The following CNTNAP2 variants were observed in gnomAD, a reference collection of about 807,000 sequenced individuals.
The protein encoded by CNTNAP2 is contactin associated protein 2, also known as contactin-associated protein-like 2.
In CNTNAP2, 98 loss-of-function variants were observed where a neutral mutation model predicts 155.2. That is an observed-to-expected ratio of 0.63 (90% CI 0.54 to 0.75). CNTNAP2 has a LOEUF of 0.75. Among genes scored for constraint, CNTNAP2 ranks in the 30% least tolerant of loss-of-function variants. The pLI is 0.00. For missense variants in CNTNAP2, 1,727 were observed against 1,688.1 expected, an observed-to-expected ratio of 1.02 and a Z score of -0.40; for synonymous variants, 651 against 631.2, an observed-to-expected ratio of 1.03 and a Z score of -0.47.
At chr7:147,176,332 A>T (rs944188988) in intron 8 of CNTNAP2, among the ~76,000 whole-genome samples, 3 of 152,178 alleles carry the variant, frequency 2.0e-5, no homozygotes, top group African/African-American at 7.2e-5. Context: ...TAGTTTTAAT[A>T]TACATTTCAA....
chr7:148,154,058 T>C (rs975427039), intron 17 of CNTNAP2, among the ~76,000 whole-genome samples: 6 of 152,372 alleles, frequency 3.9e-5, no homozygotes, highest in African/African-American at 1.4e-4. Context: ...ATGTCCGTGC[T>C]CAATTTACTT....
chr7:147,570,427 A>G (rs975526150), intron 12 of CNTNAP2, among the ~76,000 whole-genome samples: 4 of 152,220 alleles, frequency 2.6e-5, no homozygotes, highest in African/African-American at 9.6e-5. Flanking sequence ...CTTAGGCTTT[A>G]CTGTTAATGC....
Position 147,571,971 on chromosome 7 carries a change from T to C in CNTNAP2, c.1897+9714T>C, listed in dbSNP as rs115830329. Among the ~76,000 whole-genome samples, 967 of 152,328 alleles carry C rather than the reference T, an allele frequency of 6.3e-3. 10 individuals carry two copies. Among genetic ancestry groups the C allele is most frequent in the African/African-American group, 0.022 (923 of 41,576 alleles). On this transcript the variant is annotated intron_variant, in intron 12 of 23. Coordinates refer to ENST00000361727, the MANE Select transcript of CNTNAP2 (RefSeq NM_014141.6). ...CTCTTTGTCGACCTCTCACAGGCTGTCTTTGTTATAAACCTTTGTAATCAC... is the reference window on the plus strand; with the variant it reads ...CTCTTTGTCGACCTCTCACAGGCTGCCTTTGTTATAAACCTTTGTAATCAC...
intron 1 of CNTNAP2, among the ~76,000 whole-genome samples, chr7:146,281,909 G>A (rs1393129439): frequency 6.6e-6 from 1 of 152,038 alleles, no homozygotes; most frequent in Admixed American, 6.5e-5. Flanking sequence ...ATTTATTAGT[G>A]TGCAGTGGCT....
intron 1 of CNTNAP2, among the ~76,000 whole-genome samples, chr7:146,646,771 T>C (rs1799819242): frequency 6.6e-6 from 1 of 152,134 alleles, no homozygotes; most frequent in Non-Finnish European, 1.5e-5. Context: ...AACCTGTTCA[T>C]GATAATCACA....
chr7:148,086,655 C>T (rs1393229695), intron 15 of CNTNAP2, among the ~76,000 whole-genome samples: 1 of 152,132 alleles, frequency 6.6e-6, no homozygotes, highest in Non-Finnish European at 1.5e-5. Context: ...ATATTCTTAA[C>T]ATATCAGCTA....
At chr7:146,824,950 A>G (rs1488333611) in intron 2 of CNTNAP2, among the ~76,000 whole-genome samples, 2 of 150,308 alleles carry the variant, frequency 1.3e-5, no homozygotes, top group Non-Finnish European at 3.0e-5. Context: ...AGCTTGCCCT[A>G]TGGGGGAAAA....
chr7:147,248,901 T>A (rs1193933850), intron 8 of CNTNAP2, among the ~76,000 whole-genome samples: 3 of 152,208 alleles, frequency 2.0e-5, no homozygotes, highest in Admixed American at 1.3e-4. Context: ...AGCTGTCTTA[T>A]AATTGAGTCA....
rs1562968880 is a variant in CNTNAP2 at position 146,151,646 on chromosome 7, ATAT to A, written c.97+34674_97+34676del. 9.9e-3 allele frequency among the ~76,000 whole-genome samples: 697 copies of A among 70,268 alleles called. 29 individuals carry two copies. The highest frequency in any genetic ancestry group is 0.019 in the African/African-American group (501 of 26,062). 46.1% of individuals were successfully genotyped at this position (70,268 alleles called of 152,430 possible). Reference sequence around the variant, plus strand: ...GACAAAGAAAACGTGATATATATATATATATATATATATATATATATATATATA... The same window carrying A: ...GACAAAGAAAACGTGATATATATATAATATATATATATATATATATATATA... On this transcript the variant is annotated intron_variant, in intron 1 of 23. Coordinates refer to ENST00000361727, the MANE Select transcript of CNTNAP2 (RefSeq NM_014141.6).
At chr7:147,953,677 AT>A (rs1011115527) in intron 14 of CNTNAP2, among the ~76,000 whole-genome samples, 7 of 152,142 alleles carry the variant, frequency 4.6e-5, no homozygotes, top group Non-Finnish European at 7.3e-5. Flanking sequence ...AGCAACAAAA[AT>A]TTACTCTCTC....
At chr7:147,032,463 T>C (rs1433854178) in intron 3 of CNTNAP2, among the ~76,000 whole-genome samples, 1 of 152,228 alleles carries the variant, frequency 6.6e-6, no homozygotes, top group Non-Finnish European at 1.5e-5. Context: ...CATTCCTATA[T>C]GTTTGTCTTC....
chr7:147,568,608 A>G (rs1247787461), intron 12 of CNTNAP2, among the ~76,000 whole-genome samples: 5 of 152,118 alleles, frequency 3.3e-5, no homozygotes, highest in Non-Finnish European at 7.4e-5. Flanking sequence ...TTCCTTCTCC[A>G]TTTTTATGCT....
chr7:147,252,865 C>T (rs995949629), intron 8 of CNTNAP2, among the ~76,000 whole-genome samples: 1 of 152,184 alleles, frequency 6.6e-6, no homozygotes. Context: ...AAACCTGAGA[C>T]ACTGAAAGTT....
intron 8 of CNTNAP2, among the ~76,000 whole-genome samples, chr7:147,266,433 C>T (rs1804609432): frequency 6.6e-6 from 1 of 152,136 alleles, no homozygotes. Flanking sequence ...GTGTATCAGC[C>T]TCAGGGATCT....
At chr7:146,666,320 A>T (rs1165120568) in intron 1 of CNTNAP2, among the ~76,000 whole-genome samples, 2 of 152,182 alleles carry the variant, frequency 1.3e-5, no homozygotes, top group East Asian at 3.8e-4. Context: ...GCCACAAATG[A>T]CAGAATTTCA....
intron 9 of CNTNAP2, among the ~76,000 whole-genome samples, chr7:147,354,871 C>A (rs1796036358): frequency 6.6e-6 from 1 of 152,038 alleles, no homozygotes; most frequent in South Asian, 2.1e-4. Context: ...AAGTTGTATT[C>A]CTAAGTATTT....
At chr7:146,712,555 A>G (rs1162020515) in intron 1 of CNTNAP2, among the ~76,000 whole-genome samples, 1 of 150,946 alleles carries the variant, frequency 6.6e-6, no homozygotes, top group African/African-American at 2.4e-5. Context: ...TTCAAGTGTT[A>G]CCTTTAAAAG....
At chr7:148,316,711 T>G (rs575179594) in intron 21 of CNTNAP2, among the ~76,000 whole-genome samples, 131 of 152,296 alleles carry the variant, frequency 8.6e-4, no homozygotes, top group African/African-American at 2.9e-3. Flanking sequence ...GCTAGATGCA[T>G]ATTGGCAAGA....
intron 1 of CNTNAP2, among the ~76,000 whole-genome samples, chr7:146,547,588 T>C (rs1798047579): frequency 6.6e-6 from 1 of 152,002 alleles, no homozygotes; most frequent in Non-Finnish European, 1.5e-5. Context: ...GATTTGTCTT[T>C]CTGTGACTGG....
Sources: gnomAD v4.1 joint callset for allele counts (sites outside exome capture counted in the v4.1 genomes callset) on GRCh38, gnomAD v4.1.1 for gene constraint, MANE v1.5 for transcripts, NCBI Gene and HGNC (gene_info 2026-07-23, HGNC 2026-07-21) for gene names.